The following DCAF6 variants were observed in gnomAD, a reference collection of about 807,000 sequenced individuals.
DCAF6 encodes DDB1- and CUL4-associated factor 6.
A neutral mutation model predicts 125.1 loss-of-function variants in DCAF6; 54 were observed. The observed-to-expected ratio is 0.43, with a 90% CI of 0.35 to 0.54. DCAF6 has a LOEUF of 0.54. Among genes scored for constraint, DCAF6 ranks in the 20% least tolerant of loss-of-function variants. DCAF6 has a pLI of 0.01. For missense variants in DCAF6, 934 were observed against 1,161.7 expected (o/e 0.80, Z 2.85); for synonymous variants, 371 against 390.4 (o/e 0.95, Z 0.58).
chr1:167,886,546 T>C, the DCAF6 span, among the ~76,000 whole-genome samples: 1 of 152,106 alleles, frequency 6.6e-6, no homozygotes, highest in African/African-American at 2.4e-5. Flanking sequence ...CAAAAATTAA[T>C]TCAAGATGGA....
chr1:168,049,434 T>TTGTTG (rs1689579516), intron 16 of DCAF6, among the ~76,000 whole-genome samples: 1 of 115,978 alleles, frequency 8.6e-6, no homozygotes, highest in African/African-American at 5.3e-5. Flanking sequence ...TGTTGTTGTT[T>TTGTTG]TTTTTTTTTT....
At chr1:167,909,407 T>C in the DCAF6 span, among the ~76,000 whole-genome samples, 1 of 152,162 alleles carries the variant, frequency 6.6e-6, no homozygotes, top group Non-Finnish European at 1.5e-5. Flanking sequence ...AGGAGTGGAA[T>C]TGCTGGGTCA....
chr1:167,940,055 C>A (rs1371752931), intron 1 of DCAF6, among the ~76,000 whole-genome samples: 2 of 152,080 alleles, frequency 1.3e-5, no homozygotes, highest in Admixed American at 6.6e-5. Context: ...CCAGTTATTT[C>A]ACCATAGCAT....
intron 2 of DCAF6, among the ~76,000 whole-genome samples, chr1:167,958,562 C>T (rs1371454605): frequency 1.3e-5 from 2 of 151,850 alleles, no homozygotes; most frequent in Admixed American, 1.3e-4. Flanking sequence ...ATAAGTTTTT[C>T]TAGTTTTATT....
At chr1:167,920,996 C>T in the DCAF6 span, among the ~76,000 whole-genome samples, 18 of 152,186 alleles carry the variant, frequency 1.2e-4, no homozygotes, top group East Asian at 3.5e-3. Context: ...GAACCACTAA[C>T]CACTAGCATG....
intron 17 of DCAF6, among the ~76,000 whole-genome samples, chr1:168,061,746 T>C (rs1691623814): frequency 1.3e-5 from 2 of 152,204 alleles, no homozygotes; most frequent in South Asian, 4.1e-4. Context: ...TTATATTACT[T>C]AATTTCTCTT....
chr1:167,973,026 C>T (rs1213145911), intron 3 of DCAF6, among the ~76,000 whole-genome samples: 1 of 152,120 alleles, frequency 6.6e-6, no homozygotes, highest in East Asian at 1.9e-4. Flanking sequence ...AATGCACAGC[C>T]AAAGCCAATG....
intron 5 of DCAF6, among the ~76,000 whole-genome samples, chr1:167,989,482 T>C (rs1680519627): frequency 6.6e-6 from 1 of 152,230 alleles, no homozygotes; most frequent in East Asian, 1.9e-4. Flanking sequence ...CCTTAACTAC[T>C]AAAAACTTAG....
At chr1:168,074,887 C>A (rs1693626011) in intron 21 of DCAF6, among the ~76,000 whole-genome samples, 1 of 152,162 alleles carries the variant, frequency 6.6e-6, no homozygotes, top group Admixed American at 6.5e-5. Context: ...AAATAAGCTC[C>A]TTGAGACCAG....
intron 6 of DCAF6, among the ~76,000 whole-genome samples, chr1:167,991,836 C>CTAGTCA (rs1452510841): frequency 6.6e-6 from 1 of 152,116 alleles, no homozygotes; most frequent in Non-Finnish European, 1.5e-5. Context: ...TCTTAGGGCA[C>CTAGTCA]TAGTCATACT....
chr1:167,883,185 G>A, the DCAF6 span, among the ~76,000 whole-genome samples: 9 of 152,312 alleles, frequency 5.9e-5, no homozygotes, highest in East Asian at 1.2e-3. Flanking sequence ...TTACAGGCAC[G>A]TGCCACCGCA....
At chr1:167,887,773 A>G in the DCAF6 span, among the ~76,000 whole-genome samples, 1 of 151,310 alleles carries the variant, frequency 6.6e-6, no homozygotes. Context: ...CTGATAAAAT[A>G]ATTCTAAAAA....
At chr1:167,876,545 T>C in the DCAF6 span, among the ~76,000 whole-genome samples, 1 of 152,216 alleles carries the variant, frequency 6.6e-6, no homozygotes, top group Non-Finnish European at 1.5e-5. Context: ...GCTAAGTTTG[T>C]GTATGTTGGT....
At position 167,976,886 on chromosome 1, in the gene DCAF6, G is replaced by GTTTTTTTTTTTTTTT. The variant is rs397981860; in HGVS notation, c.438+1891_438+1905dup. Among the ~76,000 whole-genome samples the GTTTTTTTTTTTTTTT allele has an allele frequency of 5.3e-5, 2 of 38,010 alleles. 1 individual carries two copies. Among genetic ancestry groups the GTTTTTTTTTTTTTTT allele is most frequent in the Non-Finnish European group, 1.0e-4 (2 of 19,410 alleles). 24.9% of individuals were successfully genotyped at this position (38,010 alleles called of 152,430 possible). ...TGTACTGAAGGTACATCCTTTAGCAGTTTTTTTTTTTTTTTTTTTTTTTTT... is the reference window on the plus strand; with the variant it reads ...TGTACTGAAGGTACATCCTTTAGCAGTTTTTTTTTTTTTTTTTTTTTTTTTTTTTTTTTTTTTTTT... On this transcript the variant is annotated intron_variant, in intron 4 of 21. Coordinates refer to ENST00000367840, the MANE Select transcript of DCAF6 (RefSeq NM_001198956.2).
chr1:167,868,539 C>T, the DCAF6 span, among the ~76,000 whole-genome samples: 3 of 152,136 alleles, frequency 2.0e-5, no homozygotes, highest in African/African-American at 7.2e-5. Flanking sequence ...TTTAAGCCCA[C>T]CCAGAATTCC....
At chr1:167,979,741 G>A (rs1286012834) in intron 4 of DCAF6, among the ~76,000 whole-genome samples, 1 of 152,094 alleles carries the variant, frequency 6.6e-6, no homozygotes, top group Non-Finnish European at 1.5e-5. Flanking sequence ...ACAAAAATTA[G>A]CCAGGCGTGG....
chr1:167,934,776 C>A (rs916500458), upstream of DCAF6, among the ~76,000 whole-genome samples: 1 of 152,196 alleles, frequency 6.6e-6, no homozygotes, highest in Non-Finnish European at 1.5e-5. Flanking sequence ...ATTTACAACA[C>A]ATTTTCTAGT....
At chr1:167,995,532 T>C (rs963316364) in intron 7 of DCAF6, among the ~76,000 whole-genome samples, 16 of 151,988 alleles carry the variant, frequency 1.1e-4, no homozygotes, top group Non-Finnish European at 1.9e-4. Flanking sequence ...ATACAAAAAT[T>C]AGCTGGGCTT....
At chr1:167,886,167 T>A in the DCAF6 span, among the ~76,000 whole-genome samples, 11 of 152,166 alleles carry the variant, frequency 7.2e-5, no homozygotes, top group Non-Finnish European at 1.5e-4. Flanking sequence ...AAGCTACCAA[T>A]GACTTTCTTC....
Sources: allele counts gnomAD v4.1 joint callset (sites outside exome capture counted in the v4.1 genomes callset), GRCh38; gene constraint gnomAD v4.1.1; transcripts MANE v1.5; gene names NCBI Gene and HGNC (gene_info 2026-07-23, HGNC 2026-07-21).